LRRTM4: variants seen among roughly 807,000 people sequenced by gnomAD.
LRRTM4 encodes leucine rich repeat transmembrane neuronal 4, also known as leucine-rich repeat transmembrane neuronal protein 4.
A neutral mutation model predicts 47.6 loss-of-function variants in LRRTM4; 25 were observed. The ratio of observed to expected loss-of-function variants is 0.53; its 90% CI spans 0.38 to 0.73. LRRTM4 has a LOEUF of 0.73. Ranked by LOEUF, LRRTM4 falls within the 30% of genes least tolerant of loss-of-function variation. The probability of loss-of-function intolerance (pLI) is 0.00; values close to 1 mark genes in which losing one functional copy is unlikely to be tolerated. For synonymous variants in LRRTM4, 311 were observed against 269.5 expected, an observed-to-expected ratio of 1.15 and a Z score of -1.51; for missense variants, 638 against 713.4, an observed-to-expected ratio of 0.89 and a Z score of 1.20.
chr2:76,902,357 T>C (rs530925197), intron 3 of LRRTM4, among the ~76,000 whole-genome samples: 2 of 152,306 alleles, frequency 1.3e-5, no homozygotes, highest in South Asian at 2.1e-4. Flanking sequence ...TTAAAAAAAA[T>C]AATTAGCCAG....
At chr2:76,858,154 T>G (rs1318775801) in intron 3 of LRRTM4, among the ~76,000 whole-genome samples, 1 of 152,266 alleles carries the variant, frequency 6.6e-6, no homozygotes, top group Admixed American at 6.5e-5. Context: ...TTAAACATAA[T>G]TCTGGGTGTT....
chr2:76,752,201 T>C (rs1054642223), intron 3 of LRRTM4, among the ~76,000 whole-genome samples: 4 of 152,140 alleles, frequency 2.6e-5, no homozygotes, highest in Admixed American at 2.6e-4. Flanking sequence ...CAGGTGAATC[T>C]ACAGATGAAA....
rs150985754 is a variant in LRRTM4 at position 77,234,461 on chromosome 2, T to C, written c.1551+283857A>G. Among the ~76,000 whole-genome samples the C allele has an allele frequency of 5.3e-5, 8 of 152,294 alleles. No homozygotes were observed. The East Asian group carries it at 1.5e-3, about 29-fold the overall frequency. ...AATATATGTCTACAAGTGTAAAAAA[T>C]GTAGCTTTGCTTAGTTTCACTGTAA... On this transcript the variant is annotated intron_variant, in intron 3 of 3. Coordinates refer to ENST00000409884, the MANE Select transcript of LRRTM4 (RefSeq NM_001134745.3).
At chr2:76,875,832 G>C (rs1193137302) in intron 3 of LRRTM4, among the ~76,000 whole-genome samples, 1 of 152,108 alleles carries the variant, frequency 6.6e-6, no homozygotes, top group South Asian at 2.1e-4. Flanking sequence ...TCTTTCAAAG[G>C]CATCAATGTG....
At chr2:77,168,408 TG>T (rs1441964944) in intron 3 of LRRTM4, among the ~76,000 whole-genome samples, 2 of 152,102 alleles carry the variant, frequency 1.3e-5, no homozygotes, top group African/African-American at 2.4e-5. Flanking sequence ...TCTAGTTTTT[TG>T]TTAGCTGCTT....
chr2:77,379,880 T>C lies in LRRTM4; in HGVS notation c.1551+138438A>G, dbSNP rs115748009. On this transcript the variant is annotated intron_variant, in intron 3 of 3. Transcript: ENST00000409884. ...GTCTCATTTGCTGCTAACTTGTAGT[T>C]GGTCTATCTTTATCTCAGGTTGTTT... is the stretch of plus-strand genomic sequence containing the variant. 2.1e-3 allele frequency among the ~76,000 whole-genome samples: 319 copies of C among 152,250 alleles called. 2 individuals carry two copies. The highest frequency in any genetic ancestry group is 7.3e-3 in the African/African-American group (303 of 41,576).
rs1448051814 is a variant in LRRTM4, at chr2:77,519,988, CAT to C, written c.5-126_5-125del. 7.1e-7 allele frequency: 1 copy of C among 1,399,178 alleles called. No individual in the cohort carries two copies. The highest frequency in any genetic ancestry group is 9.4e-7 in the Non-Finnish European group (1 of 1,065,794). The allele number at this position is 1,399,178 out of a possible 1,614,324, so 86.7% of individuals were successfully genotyped here. ...TGGGACAGTTGATTTAAGGAAAATGCATTAACATTTCGAGCATTATTTTCTTC... is the reference window on the plus strand; with the variant it reads ...TGGGACAGTTGATTTAAGGAAAATGCTAACATTTCGAGCATTATTTTCTTC... On this transcript the variant is annotated intron_variant, in intron 2 of 3. Transcript: ENST00000409884. The surrounding 1 kb of genome is among the most constrained non-coding windows in gnomAD (Gnocchi z 4.6).
chr2:77,434,209 T>C (rs1044467240), intron 3 of LRRTM4, among the ~76,000 whole-genome samples: 5 of 151,548 alleles, frequency 3.3e-5, no homozygotes, highest in Admixed American at 1.3e-4. Flanking sequence ...GACACAATCA[T>C]GTGTGTAGAC....
intron 3 of LRRTM4, among the ~76,000 whole-genome samples, chr2:77,035,323 C>G (rs1436789205): frequency 6.6e-6 from 1 of 151,384 alleles, no homozygotes; most frequent in Non-Finnish European, 1.5e-5. Context: ...TACTCAAGTT[C>G]CCCCGATGAT....
chr2:77,500,217 TGGA>T (rs1490073982), intron 3 of LRRTM4, among the ~76,000 whole-genome samples: 1 of 151,804 alleles, frequency 6.6e-6, no homozygotes, highest in Non-Finnish European at 1.5e-5. Flanking sequence ...AGAATTATTG[TGGA>T]GGTGAGAGAG....
At chr2:77,278,803 TC>T (rs2104093435) in intron 3 of LRRTM4, among the ~76,000 whole-genome samples, 1 of 152,114 alleles carries the variant, frequency 6.6e-6, no homozygotes, top group East Asian at 1.9e-4. Context: ...TGACTTGTTA[TC>T]CTTTGGCAAG....
intron 3 of LRRTM4, among the ~76,000 whole-genome samples, chr2:76,816,604 C>A (rs1034532421): frequency 6.6e-6 from 1 of 151,152 alleles, no homozygotes; most frequent in Non-Finnish European, 1.5e-5. Context: ...AAAAAGACTC[C>A]AATGTAACTC....
chr2:77,514,753 A>T (rs1679146010), intron 3 of LRRTM4, among the ~76,000 whole-genome samples: 1 of 151,840 alleles, frequency 6.6e-6, no homozygotes, highest in South Asian at 2.1e-4. Context: ...AACTACAAAT[A>T]TTCTTTCTTG....
At position 77,407,352 on chromosome 2, in the gene LRRTM4, T is replaced by C. The variant is rs961386952; in HGVS notation, c.1551+110966A>G. ...ATTTTTATATGTATGAGATGTAATA[T>C]TACTGCATTAAAATTTTGAGAGCTG... On this transcript the variant is annotated intron_variant, in intron 3 of 3. Coordinates refer to ENST00000409884, the MANE Select transcript of LRRTM4 (RefSeq NM_001134745.3). Among the ~76,000 whole-genome samples the C allele has an allele frequency of 5.9e-5, 9 of 151,882 alleles. No homozygotes were observed. In the East Asian group the frequency reaches 9.6e-4, roughly 16 times the overall value.
intron 3 of LRRTM4, among the ~76,000 whole-genome samples, chr2:77,363,687 T>C (rs1672327040): frequency 6.6e-6 from 1 of 152,182 alleles, no homozygotes; most frequent in Non-Finnish European, 1.5e-5. Flanking sequence ...AAATGCTTTC[T>C]CATTATCATG....
chr2:76,910,499 T>TA (rs935037791), intron 3 of LRRTM4, among the ~76,000 whole-genome samples: 10 of 151,690 alleles, frequency 6.6e-5, no homozygotes, highest in Admixed American at 5.3e-4. Context: ...AGTATAATAA[T>TA]AAAAAAAAGA....
intron 3 of LRRTM4, among the ~76,000 whole-genome samples, chr2:76,794,166 G>C (rs973657517): frequency 6.6e-6 from 1 of 152,176 alleles, no homozygotes; most frequent in African/African-American, 2.4e-5. Context: ...GGCCAGAGGT[G>C]AGTTTACTTC....
intron 3 of LRRTM4, among the ~76,000 whole-genome samples, chr2:77,255,069 G>T (rs1675726199): frequency 6.6e-6 from 1 of 151,802 alleles, no homozygotes; most frequent in Non-Finnish European, 1.5e-5. Context: ...TGATATATGT[G>T]GTTTAAAAGT....
intron 3 of LRRTM4, among the ~76,000 whole-genome samples, chr2:77,073,313 A>T (rs534296139): frequency 6.6e-6 from 1 of 152,298 alleles, no homozygotes; most frequent in East Asian, 1.9e-4. Context: ...GGAAAAAATT[A>T]GTAAAATAGG....
Sources: allele counts gnomAD v4.1 joint callset (sites outside exome capture counted in the v4.1 genomes callset), GRCh38; gene constraint gnomAD v4.1.1; non-coding constraint Gnocchi (gnomAD v3.1); transcripts MANE v1.5; gene names NCBI Gene and HGNC (gene_info 2026-07-23, HGNC 2026-07-21).